Variants in GPC5 observed in about 807,000 individuals in gnomAD.
The protein encoded by GPC5 is glypican 5, also known as glypican-5.
Under a neutral mutation model 53.9 loss-of-function variants are expected in GPC5, and 47 were observed. The observed-to-expected ratio is 0.87, with a 90% CI of 0.69 to 1.11. The LOEUF is 1.11. Among genes scored for constraint, GPC5 ranks in the 50% most tolerant of loss-of-function variants. The pLI is 0.00. For missense variants in GPC5, 748 were observed against 713.1 expected, an observed-to-expected ratio of 1.05 and a Z score of -0.56; for synonymous variants, 286 against 263.3, an observed-to-expected ratio of 1.09 and a Z score of -0.84.
At chr13:91,924,207 T>G (rs2039744618) in intron 6 of GPC5, among the ~76,000 whole-genome samples, 1 of 152,128 alleles carries the variant, frequency 6.6e-6, no homozygotes, top group East Asian at 1.9e-4. Context: ...CACAAACATA[T>G]CAAAGCAAGT....
intron 7 of GPC5, among the ~76,000 whole-genome samples, chr13:92,595,123 C>T (rs1047899758): frequency 1.3e-5 from 2 of 152,170 alleles, no homozygotes; most frequent in East Asian, 3.9e-4. Context: ...ATATTTTCTG[C>T]ACCTCATTAT....
chr13:92,097,029 C>T (rs899737053), intron 6 of GPC5, among the ~76,000 whole-genome samples: 2 of 152,130 alleles, frequency 1.3e-5, no homozygotes, highest in South Asian at 4.1e-4. Context: ...AAAACTAAAG[C>T]ACCTAAACAA....
chr13:92,800,364 T>C, intron 7 of GPC5, among the ~76,000 whole-genome samples: 1 of 151,802 alleles, frequency 6.6e-6, no homozygotes, highest in East Asian at 1.9e-4. Flanking sequence ...AAACCCTTCC[T>C]TTGGTCATTT....
chr13:91,584,442 T>C (rs1278262584), intron 2 of GPC5, among the ~76,000 whole-genome samples: 1 of 152,180 alleles, frequency 6.6e-6, no homozygotes, highest in African/African-American at 2.4e-5. Flanking sequence ...AAATCAATTC[T>C]ATGTGAATGT....
intron 6 of GPC5, among the ~76,000 whole-genome samples, chr13:91,980,511 A>G (rs934615835): frequency 2.0e-5 from 3 of 152,144 alleles, no homozygotes; most frequent in African/African-American, 7.2e-5. Flanking sequence ...AATACTTCCC[A>G]TAAAATCAAC....
intron 2 of GPC5, among the ~76,000 whole-genome samples, chr13:91,579,975 A>ATTATTTAATT (rs1566524737): frequency 6.6e-6 from 1 of 151,962 alleles, no homozygotes; most frequent in Non-Finnish European, 1.5e-5. Context: ...CTTTCAAGTA[A>ATTATTTAATT]CTTCTTGGGC....
intron 7 of GPC5, among the ~76,000 whole-genome samples, chr13:92,395,398 C>T (rs1023334771): frequency 1.3e-5 from 2 of 152,156 alleles, no homozygotes; most frequent in Non-Finnish European, 2.9e-5. Flanking sequence ...CCAATTCCCC[C>T]GTTTTGTCCC....
chr13:92,529,990 G>C (rs763584155), intron 7 of GPC5, among the ~76,000 whole-genome samples: 1 of 152,114 alleles, frequency 6.6e-6, no homozygotes, highest in Non-Finnish European at 1.5e-5. Flanking sequence ...GGGCTGAGGC[G>C]GGGGAGGATG....
intron 7 of GPC5, among the ~76,000 whole-genome samples, chr13:92,392,692 T>G (rs1875063161): frequency 6.6e-6 from 1 of 152,062 alleles, no homozygotes; most frequent in Non-Finnish European, 1.5e-5. Flanking sequence ...GTAAGGTACT[T>G]AAACAAGTTT....
intron 1 of GPC5, among the ~76,000 whole-genome samples, chr13:91,434,670 C>A (rs58298804): frequency 0.01 from 1,561 of 152,072 alleles, 27 homozygotes; most frequent in African/African-American, 0.036. Flanking sequence ...GCGATGCGGG[C>A]TCTTTTTTGG....
chr13:92,647,430 A>G (rs1885809955), intron 7 of GPC5, among the ~76,000 whole-genome samples: 1 of 152,150 alleles, frequency 6.6e-6, no homozygotes, highest in Non-Finnish European at 1.5e-5. Flanking sequence ...TTTCATACAA[A>G]AAGCTGAATC....
chr13:91,566,777 T>A (rs999791306), intron 2 of GPC5, among the ~76,000 whole-genome samples: 1 of 152,142 alleles, frequency 6.6e-6, no homozygotes, highest in Non-Finnish European at 1.5e-5. Flanking sequence ...GCACATCATA[T>A]CTATATGAAA....
chr13:92,267,822 A>G (rs1284612362), intron 7 of GPC5, among the ~76,000 whole-genome samples: 2 of 152,106 alleles, frequency 1.3e-5, no homozygotes, highest in Non-Finnish European at 2.9e-5. Flanking sequence ...GCCAAATTAA[A>G]ATATTTACTA....
At chr13:92,811,303 C>T (rs1384556209) in intron 7 of GPC5, among the ~76,000 whole-genome samples, 1 of 151,912 alleles carries the variant, frequency 6.6e-6, no homozygotes, top group Admixed American at 6.6e-5. Context: ...TTTACATTCC[C>T]AGGAGCAATG....
intron 7 of GPC5, among the ~76,000 whole-genome samples, chr13:92,676,902 C>CA (rs1207155021): frequency 6.7e-6 from 1 of 148,850 alleles, no homozygotes; most frequent in Non-Finnish European, 1.5e-5. Context: ...GGAGGAGGAT[C>CA]ATGGGGTTAA....
intron 7 of GPC5, among the ~76,000 whole-genome samples, chr13:92,289,568 A>G (rs1179070755): frequency 6.6e-6 from 1 of 151,990 alleles, no homozygotes; most frequent in Non-Finnish European, 1.5e-5. Context: ...CAATATGTTT[A>G]TGAATAATAA....
chr13:91,967,204 G>A (rs2040189419), intron 6 of GPC5, among the ~76,000 whole-genome samples: 1 of 152,072 alleles, frequency 6.6e-6, no homozygotes, highest in Non-Finnish European at 1.5e-5. Flanking sequence ...CAGATCTGGT[G>A]AGACTTATTC....
chr13:92,822,656 C>T (rs762559207), intron 7 of GPC5, among the ~76,000 whole-genome samples: 1 of 152,014 alleles, frequency 6.6e-6, no homozygotes, highest in Non-Finnish European at 1.5e-5. Context: ...GGAGTTAAAG[C>T]GTTTGTCTCT....
chr13:92,365,536 A>T (rs764347391), intron 7 of GPC5, among the ~76,000 whole-genome samples: 2 of 151,706 alleles, frequency 1.3e-5, no homozygotes, highest in African/African-American at 4.9e-5. Flanking sequence ...TTTAATTTTT[A>T]AAACTTTTTG....
Sources: allele counts gnomAD v4.1 joint callset (sites outside exome capture counted in the v4.1 genomes callset), GRCh38; gene constraint gnomAD v4.1.1; transcripts MANE v1.5; gene names NCBI Gene and HGNC (gene_info 2026-07-23, HGNC 2026-07-21).